The following NRF1 variants were observed in gnomAD, a reference collection of about 807,000 sequenced individuals.
NRF1 encodes the protein nuclear respiratory factor 1, also known as alpha palindromic-binding protein.
NRF1 carries 5 observed loss-of-function variants against 58.5 expected under a neutral mutation model. The observed-to-expected ratio is 0.09, with a 90% CI of 0.04 to 0.18. The LOEUF is 0.18. Ranked by LOEUF, NRF1 falls within the 10% of genes least tolerant of loss-of-function variation. The pLI is 1.00. For missense variants in NRF1, 288 were observed against 657.7 expected (o/e 0.44, Z 6.15); for synonymous variants, 224 against 246.7 (o/e 0.91, Z 0.86).
intron 8 of NRF1, among the ~76,000 whole-genome samples, chr7:129,716,443 C>A (rs1469565173): frequency 1.3e-5 from 2 of 151,996 alleles, no homozygotes; most frequent in African/African-American, 2.4e-5. Context: ...CCATTTCTAA[C>A]AACCCAGCCT....
Position 129,611,736 on chromosome 7 carries a change from G to C in NRF1, c.-95G>C. 2.9e-6 allele frequency: 1 copy of C among 341,686 alleles called. No homozygotes were observed. The highest frequency in any genetic ancestry group is 4.5e-5 in the East Asian group (1 of 22,416). 21.2% of individuals were successfully genotyped at this position (341,686 alleles called of 1,614,324 possible). On this transcript the variant is annotated 5_prime_UTR_variant, in exon 1 of 11. Coordinates refer to ENST00000393232, the MANE Select transcript of NRF1 (RefSeq NM_005011.5). ...GGCGGCGGCAGAAGCGGCAGCGCTC[G>C]CCATTGCCGCTGGTGGCAGGAGGCT...
At chr7:129,625,178 C>G (rs1800886279) in intron 1 of NRF1, among the ~76,000 whole-genome samples, 1 of 152,142 alleles carries the variant, frequency 6.6e-6, no homozygotes, top group Non-Finnish European at 1.5e-5. Flanking sequence ...CCTCCATGGT[C>G]TCATTGTCTC....
intron 1 of NRF1, among the ~76,000 whole-genome samples, chr7:129,621,301 A>G (rs1307924063): frequency 2.0e-5 from 3 of 152,114 alleles, no homozygotes; most frequent in Non-Finnish European, 4.4e-5. Flanking sequence ...AGGGTCTACA[A>G]CTTTTATTTA....
At chr7:129,623,374 A>G (rs938207027) in intron 1 of NRF1, among the ~76,000 whole-genome samples, 92 of 45,830 alleles carry the variant, frequency 2.0e-3, no homozygotes, top group African/African-American at 6.3e-3. Flanking sequence ...AGTGTTAAAA[A>G]TACCTGTTTT....
intron 1 of NRF1, among the ~76,000 whole-genome samples, chr7:129,648,133 C>T (rs529578088): frequency 6.6e-6 from 1 of 152,136 alleles, no homozygotes; most frequent in Admixed American, 6.5e-5. Context: ...ATCCCGAGTC[C>T]CACTTTTCAG....
Position 129,755,022 on chromosome 7 carries a change from G to A in NRF1, c.1353G>A (p.Leu451=). The change falls in exon 11 of 11, where the codon CTG becomes CTA. Residue 451 remains leucine, a synonymous_variant. Transcript: ENST00000393232. This position sits in a 1 kb window ranked among gnomAD's most constrained non-coding sequence, Gnocchi z 5.8. ...ALTGVQDANG[L]VQIPVSMYQT... is the part of the protein sequence containing the mutation. Reference sequence around the variant, plus strand: ...GTCTTCTCTTTGTCTCTCCAGGCCTGGTCCAGATCCCTGTGAGCATGTACC... The same window carrying A: ...GTCTTCTCTTTGTCTCTCCAGGCCTAGTCCAGATCCCTGTGAGCATGTACC... The A allele has an allele frequency of 2.5e-6, 4 of 1,606,818 alleles. No individual in the cohort carries two copies. Among genetic ancestry groups the A allele is most frequent in the Non-Finnish European group, 3.4e-6 (4 of 1,177,230 alleles).
chr7:129,635,503 C>T (rs73466652), intron 1 of NRF1, among the ~76,000 whole-genome samples: 1 of 152,014 alleles, frequency 6.6e-6, no homozygotes, highest in Non-Finnish European at 1.5e-5. Flanking sequence ...TTTGTACATA[C>T]CCCCAGCTGC....
intron 1 of NRF1, among the ~76,000 whole-genome samples, chr7:129,620,474 C>T (rs909083365): frequency 7.3e-5 from 11 of 151,446 alleles, no homozygotes; most frequent in Non-Finnish European, 1.0e-4. Flanking sequence ...CTGCAACCTC[C>T]GCCTCCCGGG....
intron 1 of NRF1, among the ~76,000 whole-genome samples, chr7:129,612,388 T>C (rs771633936): frequency 4.5e-4 from 69 of 152,130 alleles, no homozygotes; most frequent in Non-Finnish European, 6.3e-4. Flanking sequence ...TTGGGCGACC[T>C]CCGAAGCTTC....
chr7:129,620,587 C>T (rs538541687), intron 1 of NRF1, among the ~76,000 whole-genome samples: 1 of 152,198 alleles, frequency 6.6e-6, no homozygotes, highest in East Asian at 1.9e-4. Flanking sequence ...GGGATTTCAC[C>T]ATATTGGACA....
intron 1 of NRF1, among the ~76,000 whole-genome samples, chr7:129,638,342 C>G (rs932675296): frequency 6.6e-6 from 1 of 152,086 alleles, no homozygotes; most frequent in Non-Finnish European, 1.5e-5. Context: ...ACACTTTATT[C>G]CAGCATATTA....
At chr7:129,674,486 G>A (rs1343590783) in intron 3 of NRF1, among the ~76,000 whole-genome samples, 1 of 151,982 alleles carries the variant, frequency 6.6e-6, no homozygotes, top group Non-Finnish European at 1.5e-5. Flanking sequence ...CCAAGCTAGA[G>A]TGCAGTGGTG....
At chr7:129,650,785 CA>C (rs1801516608) in intron 1 of NRF1, among the ~76,000 whole-genome samples, 1 of 151,596 alleles carries the variant, frequency 6.6e-6, no homozygotes, top group East Asian at 1.9e-4. Flanking sequence ...GTAACTTGTC[CA>C]GGGGTTCTGG....
rs913420317 is a variant in NRF1 at position 129,668,823 on chromosome 7, AAAG to A, written c.224-2600_224-2598del. On this transcript the variant is annotated intron_variant, in intron 2 of 10. Transcript: ENST00000393232. ...GCAAAACTCTAATGTATGGTGAAAA[AAAG>A]AAGAATTCTAGGTATTGCTGAGAAG... Among the ~76,000 whole-genome samples the A allele has an allele frequency of 7.2e-4, 110 of 152,346 alleles. 2 individuals are homozygous for A. Among genetic ancestry groups the A allele is most frequent in the Admixed American group, 6.3e-3 (97 of 15,300 alleles).
intron 1 of NRF1, among the ~76,000 whole-genome samples, chr7:129,626,421 C>T (rs566674999): frequency 1.3e-5 from 2 of 152,242 alleles, no homozygotes; most frequent in African/African-American, 4.8e-5. Context: ...TTATCTGTAG[C>T]CACATCATAA....
chr7:129,619,490 G>GTGTGTGTATA (rs1422472177), intron 1 of NRF1, among the ~76,000 whole-genome samples: 3 of 48,620 alleles, frequency 6.2e-5, no homozygotes, highest in African/African-American at 3.0e-4. Context: ...GTGTGTGTGT[G>GTGTGTGTATA]TATATATATA....
intron 1 of NRF1, among the ~76,000 whole-genome samples, chr7:129,613,010 G>A (rs1800573154): frequency 6.6e-6 from 1 of 152,166 alleles, no homozygotes; most frequent in Non-Finnish European, 1.5e-5. Flanking sequence ...TTTAGAGCTG[G>A]TGTCAATCGT....
intron 4 of NRF1, 44 bp downstream of exon 4, chr7:129,677,802 T>C (rs779335202): frequency 6.2e-7 from 1 of 1,607,274 alleles, no homozygotes; most frequent in Admixed American, 1.7e-5. Context: ...TTGCTTTCTG[T>C]CGGCTGCTTC....
chr7:129,650,420 T>C (rs1801509456), intron 1 of NRF1, among the ~76,000 whole-genome samples: 1 of 152,184 alleles, frequency 6.6e-6, no homozygotes, highest in South Asian at 2.1e-4. Flanking sequence ...TTATTTTATG[T>C]CTAGGAGAAC....
Sources: allele counts gnomAD v4.1 joint callset (sites outside exome capture counted in the v4.1 genomes callset), GRCh38; gene constraint gnomAD v4.1.1; non-coding constraint Gnocchi (gnomAD v3.1); transcripts MANE v1.5; gene names NCBI Gene and HGNC (gene_info 2026-07-23, HGNC 2026-07-21).